Variants in PSMC3 observed in about 807,000 individuals in gnomAD.
The protein encoded by PSMC3 is 26S proteasome regulatory subunit 6A.
Under a neutral mutation model 52.0 loss-of-function variants are expected in PSMC3, and 11 were observed. That is an observed-to-expected ratio of 0.21 (90% CI 0.13 to 0.35). PSMC3 has a LOEUF of 0.35. Ranked by LOEUF, PSMC3 falls within the 10% of genes least tolerant of loss-of-function variation. PSMC3 has a pLI of 1.00. For missense variants in PSMC3, 238 were observed against 567.1 expected, an observed-to-expected ratio of 0.42 and a Z score of 5.89; for synonymous variants, 201 against 218.8, an observed-to-expected ratio of 0.92 and a Z score of 0.72.
In PSMC3 at chr11:47,419,730, G is replaced by A. The variant is rs2096037930; in HGVS notation, c.1128-533C>T. Among the ~76,000 whole-genome samples the A allele has an allele frequency of 2.0e-5, 3 of 152,034 alleles. 1 individual carries two copies. Among genetic ancestry groups the A allele is most frequent in the African/African-American group, 4.8e-5 (2 of 41,386 alleles). ...AAAAATTAGCCGGGCGTGGTGGCGG[G>A]CGCCTGTAGTCCCAGCTACTCGGGA... On this transcript the variant is annotated intron_variant, in intron 10 of 11. Transcript: ENST00000298852.
At chr11:47,426,136 C>T (rs1286982715) in intron 1 of PSMC3, 69 bp downstream of exon 1, 1 of 1,508,576 alleles carries the variant, frequency 6.6e-7, no homozygotes, top group Non-Finnish European at 9.0e-7. Context: ...CAGCCACCTC[C>T]TTCCCTCTTG....
rs1235089808 is a variant in PSMC3 at position 47,424,592 on chromosome 11, C to T, written c.390+15G>A. 3 of 1,609,972 alleles carry T rather than the reference C, an allele frequency of 1.9e-6. No individual in the cohort carries two copies. Among genetic ancestry groups the T allele is most frequent in the Non-Finnish European group, 1.7e-6 (2 of 1,176,274 alleles). On this transcript the variant is annotated intron_variant, in intron 4 of 11. Coordinates refer to ENST00000298852, the MANE Select transcript of PSMC3 (RefSeq NM_002804.5). The surrounding 1 kb of genome is among the most constrained non-coding windows in gnomAD (Gnocchi z 4.8). ...CTCACCCTCCTCCAGTCTCTCATTG[C>T]TGAGCCACGCTCACCTGTCGTGTAG...
rs751100690 is a variant in PSMC3, at chr11:47,424,529, C to A, written c.391-38G>T. 9.9e-6 allele frequency: 16 copies of A among 1,611,270 alleles called. No individual in the cohort carries two copies. Among genetic ancestry groups the A allele is most frequent in the Non-Finnish European group, 1.4e-5 (16 of 1,177,428 alleles). ...TACAGGGGCAGTCTCAGTTAGTGTC[C>A]TCAGGGAAGGCTCCCTAGTCCTGTC... On this transcript the variant is annotated intron_variant, in intron 4 of 11. Transcript: ENST00000298852. This position sits in a 1 kb window ranked among gnomAD's most constrained non-coding sequence, Gnocchi z 4.8.
Position 47,425,142 on chromosome 11 carries a change from G to A in PSMC3, c.264C>T (p.Tyr88=). The part of the protein sequence containing the change: ...EKIKVNKTLP[Y]LVSNVIELLD... ...ACACCTCGATGACGTTGGAGACAAGGTACGGCAGGGTCTTGTTCACTTTGA... is the reference window on the plus strand; with the variant it reads ...ACACCTCGATGACGTTGGAGACAAGATACGGCAGGGTCTTGTTCACTTTGA... The change falls in exon 3 of 12, where the codon TAC becomes TAT. Residue 88 remains tyrosine, a synonymous_variant. Transcript: ENST00000298852. 1 of 1,614,190 alleles carries A rather than the reference G, an allele frequency of 6.2e-7. No individual in the cohort carries two copies. Among genetic ancestry groups the A allele is most frequent in the Non-Finnish European group, 8.5e-7 (1 of 1,180,036 alleles).
In PSMC3 at chr11:47,420,625, A is replaced by T; in HGVS notation, c.981+6T>A. On this transcript the variant is annotated splice_donor_region_variant and intron_variant, in intron 9 of 11. Transcript: ENST00000298852. The stretch of plus-strand genomic sequence containing the variant: ...ATCATCTTTGCCTGGGAGTGCTAAT[A>T]CTCACCTTAACTTGGGTGTTGGGCT... 6.4e-7 allele frequency: 1 copy of T among 1,551,292 alleles called. No individual in the cohort carries two copies. Among genetic ancestry groups the T allele is most frequent in the Non-Finnish European group, 8.7e-7 (1 of 1,146,622 alleles).
At chr11:47,421,451 C>T (rs1206509191) in intron 8 of PSMC3, among the ~76,000 whole-genome samples, 2 of 151,930 alleles carry the variant, frequency 1.3e-5, no homozygotes, top group East Asian at 3.9e-4. Context: ...TGAAAGCACA[C>T]CAGCTAGGCA....
intron 10 of PSMC3, 141 bp from the exon 11 acceptor site, chr11:47,419,338 T>G: frequency 1.2e-6 from 1 of 801,270 alleles, no homozygotes; most frequent in Non-Finnish European, 2.1e-6. Flanking sequence ...ATGCGCCTTG[T>G]TTTCTTCTCA....
Position 47,422,621 on chromosome 11 carries a change from C to T in PSMC3, c.837G>A (p.Ala279=), listed in dbSNP as rs768989661. The T allele has an allele frequency of 2.1e-5, 34 of 1,614,156 alleles. No homozygotes were observed. Among genetic ancestry groups the T allele is most frequent in the Middle Eastern group, 1.6e-4 (1 of 6,062 alleles). The change falls in exon 8 of 12, where the codon GCG becomes GCA. Residue 279 remains alanine, a synonymous_variant. Coordinates refer to ENST00000298852, the MANE Select transcript of PSMC3 (RefSeq NM_002804.5). This position sits in a 1 kb window ranked among gnomAD's most constrained non-coding sequence, Gnocchi z 4.3. The part of the protein sequence containing the change: ...RDAFALAKEK[A]PSIIFIDELD... ...ACTCATCAATGAAGATGATAGAGGG[C>T]GCTTTCTCCTTGGCCAGGGCAAAGG...
chr11:47,422,555 A>T lies in PSMC3; in HGVS notation c.884+19T>A. On this transcript the variant is annotated intron_variant, in intron 8 of 11. Coordinates refer to ENST00000298852, the MANE Select transcript of PSMC3 (RefSeq NM_002804.5). The surrounding 1 kb of genome is among the most constrained non-coding windows in gnomAD (Gnocchi z 4.3). ...CTTACCGCCACAGAGATCGCTAGGG[A>T]CCCTTGGCCCTCCCTTACCGCTTGG... The T allele has an allele frequency of 1.9e-6, 3 of 1,613,574 alleles. No homozygotes were observed. The highest frequency in any genetic ancestry group is 2.5e-6 in the Non-Finnish European group (3 of 1,179,708).
chr11:47,425,112 C>A lies in PSMC3; in HGVS notation c.285+9G>T. The A allele has an allele frequency of 3.1e-6, 5 of 1,613,742 alleles. No homozygotes were observed. The highest frequency in any genetic ancestry group is 4.2e-6 in the Non-Finnish European group (5 of 1,179,902). ...GACTCCCTCTCTTCCCCTCCACATA[C>A]ACACACACCTCGATGACGTTGGAGA... On this transcript the variant is annotated intron_variant, in intron 3 of 11. Transcript: ENST00000298852.
rs563402366 is a variant in PSMC3, at chr11:47,422,432, G to T, written c.884+142C>A. On this transcript the variant is annotated intron_variant, in intron 8 of 11. Transcript: ENST00000298852. This position sits in a 1 kb window ranked among gnomAD's most constrained non-coding sequence, Gnocchi z 4.3. The stretch of plus-strand genomic sequence containing the variant: ...GCTATTGATCAGGAGTTAGGAATTG[G>T]AATCTCAAGAGTTGAGGAGCCACCA... 5 of 980,784 alleles carry T rather than the reference G, an allele frequency of 5.1e-6. No homozygotes were observed. Among genetic ancestry groups the T allele is most frequent in the Non-Finnish European group, 7.6e-6 (5 of 657,474 alleles). 60.8% of individuals were successfully genotyped at this position (980,784 alleles called of 1,614,324 possible).
intron 2 of PSMC3, 102 bp from the exon 3 acceptor site, chr11:47,425,348 A>G (rs1426286493): frequency 7.2e-7 from 1 of 1,383,418 alleles, no homozygotes; most frequent in Non-Finnish European, 1.0e-6. Flanking sequence ...ACCCTCCCGC[A>G]TCCATTCATC....
Position 47,422,654 on chromosome 11 carries a change from G to C in PSMC3, c.804C>G (p.Val268=), listed in dbSNP as rs766492600. 9 of 1,614,152 alleles carry C rather than the reference G, an allele frequency of 5.6e-6. No homozygotes were observed. The highest frequency in any genetic ancestry group is 7.6e-6 in the Non-Finnish European group (9 of 1,180,012). The change falls in exon 8 of 12, where the codon GTC becomes GTG. Residue 268 remains valine (V), a synonymous_variant. Coordinates refer to ENST00000298852, the MANE Select transcript of PSMC3 (RefSeq NM_002804.5). The surrounding 1 kb of genome is among the most constrained non-coding windows in gnomAD (Gnocchi z 4.3). ...CCTTGGCCAGGGCAAAGGCATCCCG[G>C]ACTAGCTTGGCACCATCTCCAATGA... is the stretch of plus-strand genomic sequence containing the variant. ...QMFIGDGAKL[V]RDAFALAKEK...
At chr11:47,425,506 G>C (rs2096045369) in intron 2 of PSMC3, 1 of 571,748 alleles carries the variant, frequency 1.7e-6, no homozygotes, top group South Asian at 2.2e-5. Flanking sequence ...ATAGGTTTTA[G>C]GTTCTGCCTC....
At chr11:47,423,122 G>A in intron 6 of PSMC3, 149 bp from the exon 7 acceptor site, 1 of 875,854 alleles carries the variant, frequency 1.1e-6, no homozygotes, top group Non-Finnish European at 1.7e-6. Flanking sequence ...ACACAAGGCT[G>A]GGCGCGGTGG....
At chr11:47,423,970 G>A (rs1267034504) in intron 6 of PSMC3, 76 bp downstream of exon 6, 10 of 1,597,416 alleles carry the variant, frequency 6.3e-6, no homozygotes, top group Admixed American at 1.7e-5. Flanking sequence ...GACACATTAG[G>A]GAGATGAGCT....
intron 2 of PSMC3, chr11:47,425,511 T>C: frequency 1.8e-6 from 1 of 567,964 alleles, no homozygotes; most frequent in Non-Finnish European, 3.1e-6. Context: ...TTTTAGGTTC[T>C]GCCTCATAGT....
At position 47,424,822 on chromosome 11, in the gene PSMC3, C is replaced by G; in HGVS notation, c.286-111G>C. ...ATCCTTACCTCCCTCCTCCAATAGCCCTGAGCCCACCAAACGTGGGTGCCC... is the reference window on the plus strand; with the variant it reads ...ATCCTTACCTCCCTCCTCCAATAGCGCTGAGCCCACCAAACGTGGGTGCCC... On this transcript the variant is annotated intron_variant, in intron 3 of 11. Transcript: ENST00000298852. This position sits in a 1 kb window ranked among gnomAD's most constrained non-coding sequence, Gnocchi z 4.8. The G allele has an allele frequency of 1.0e-6, 1 of 996,896 alleles. No individual in the cohort carries two copies. Among genetic ancestry groups the G allele is most frequent in the Non-Finnish European group, 1.5e-6 (1 of 648,166 alleles). 61.8% of individuals were successfully genotyped at this position (996,896 alleles called of 1,614,324 possible).
At chr11:47,423,060 C>T (rs2096042511) in intron 6 of PSMC3, 87 bp from the exon 7 acceptor site, 1 of 1,333,776 alleles carries the variant, frequency 7.5e-7, no homozygotes, top group Non-Finnish European at 1.0e-6. Flanking sequence ...CAATCTGCAT[C>T]CCTCCTACTC....
Sources: allele counts gnomAD v4.1 joint callset (sites outside exome capture counted in the v4.1 genomes callset), GRCh38; gene constraint gnomAD v4.1.1; non-coding constraint Gnocchi (gnomAD v3.1); transcripts MANE v1.5; gene names NCBI Gene and HGNC (gene_info 2026-07-23, HGNC 2026-07-21).